Variants in TYW5 observed in about 807,000 individuals in gnomAD.
TYW5 encodes the protein tRNA wybutosine-synthesizing protein 5.
TYW5 carries 36 observed loss-of-function variants against 44.4 expected under a neutral mutation model. The ratio of observed to expected loss-of-function variants is 0.81; its 90% confidence interval spans 0.62 to 1.07. The LOEUF (loss-of-function observed/expected upper bound fraction) is 1.07. Among genes scored for constraint, TYW5 ranks in the 50% least tolerant of loss-of-function variants. The pLI is 0.00. For synonymous variants in TYW5, 121 were observed against 128.1 expected, an observed-to-expected ratio of 0.94 and a Z score of 0.37; for missense variants, 354 against 365.7, an observed-to-expected ratio of 0.97 and a Z score of 0.26.
chr2:199,936,465 T>A lies in TYW5; in HGVS notation c.514A>T (p.Thr172Ser). The A allele has an allele frequency of 6.2e-7, 1 of 1,613,306 alleles. No individual in the cohort carries two copies. The highest frequency in any genetic ancestry group is 8.5e-7 in the Non-Finnish European group (1 of 1,179,672). ...DVMDNLLIQV[T>S]GKKRVVLFSP... ...AAGAGTACAACACGCTTTTTTCCTGTCACTTGTATTAACAAATTATCCATT... is the reference window on the plus strand; with the variant it reads ...AAGAGTACAACACGCTTTTTTCCTGACACTTGTATTAACAAATTATCCATT... Residue 172 changes from threonine to serine, a missense_variant, in exon 6 of 8, where the codon ACA (threonine) becomes TCA (serine). Physicochemically the swap from Thr to Ser is moderately conservative, Grantham distance 58 (BLOSUM62 1). Transcript: ENST00000354611.
intron 7 of TYW5, 78 bp from the exon 8 acceptor site, chr2:199,933,401 G>T: frequency 8.3e-7 from 1 of 1,211,954 alleles, no homozygotes; most frequent in South Asian, 1.5e-5. Context: ...GAAATATCAC[G>T]AATTGCATAT....
At chr2:199,940,177 T>C in intron 3 of TYW5, 44 bp from the exon 4 acceptor site, 1 of 1,571,192 alleles carries the variant, frequency 6.4e-7, no homozygotes, top group South Asian at 1.1e-5. Context: ...TATTTTACTT[T>C]TTCAAATGTA....
In TYW5 at chr2:199,931,474, AAGG is replaced by A. The variant is rs1352987645; in HGVS notation, c.*1590_*1592del. 5.9e-5 allele frequency: 9 copies of A among 152,204 alleles called. No individual in the cohort carries two copies. The highest frequency in any genetic ancestry group is 7.4e-5 in the Non-Finnish European group (5 of 68,018). The allele number at this position is 152,204 out of a possible 1,614,324, so 9.4% of individuals were successfully genotyped here. ...ACTGACCATAAATAATGTGTAAACTAAGGAGAGTTTTGTCTTTTTCCTTACTGA... is the reference window on the plus strand; with the variant it reads ...ACTGACCATAAATAATGTGTAAACTAAGAGTTTTGTCTTTTTCCTTACTGA... On this transcript the variant is annotated 3_prime_UTR_variant, in exon 8 of 8. Coordinates refer to ENST00000354611, the MANE Select transcript of TYW5 (RefSeq NM_001039693.3).
intron 2 of TYW5, 176 bp downstream of exon 2, chr2:199,948,142 C>T: frequency 3.2e-6 from 2 of 620,430 alleles, no homozygotes. Context: ...ATTATGTAAA[C>T]TCAGAACTCT....
At chr2:199,933,497 A>G (rs1343727137) in intron 7 of TYW5, among the ~76,000 whole-genome samples, 174 bp from the exon 8 acceptor site, 2 of 152,228 alleles carry the variant, frequency 1.3e-5, no homozygotes, top group Non-Finnish European at 2.9e-5. Context: ...ACTTTTATGA[A>G]TTGCCAACAA....
In TYW5 at chr2:199,930,422, G is replaced by A. The variant is rs2077367043; in HGVS notation, c.*2645C>T. 1 of 152,148 alleles carries A rather than the reference G, an allele frequency of 6.6e-6. No individual in the cohort carries two copies. Among genetic ancestry groups the A allele is most frequent in the South Asian group, 2.1e-4 (1 of 4,830 alleles). The allele number at this position is 152,148 out of a possible 1,614,324, so 9.4% of individuals were successfully genotyped here. A position where few individuals can be genotyped will look rare whatever the true frequency, so the allele number is the denominator to read the frequency against. ...AAGATGTTCACACACCACATACCTT[G>A]TTTTACACAAATGGCAGTACAGTTT... is the stretch of plus-strand genomic sequence containing the variant. On this transcript the variant is annotated 3_prime_UTR_variant, in exon 8 of 8. Transcript: ENST00000354611.
chr2:199,944,166 T>C, intron 2 of TYW5: 1 of 183,756 alleles, frequency 5.4e-6, no homozygotes, highest in Non-Finnish European at 1.1e-5. Context: ...ACACAGACTT[T>C]CAGGTTCTGA....
At chr2:199,940,817 CTT>C (rs1188729153) in intron 3 of TYW5, among the ~76,000 whole-genome samples, 2 of 152,034 alleles carry the variant, frequency 1.3e-5, no homozygotes, top group Admixed American at 6.5e-5. Context: ...TATTTAGACT[CTT>C]ATTTTAATAG....
chr2:199,943,656 G>A (rs1351665851), intron 3 of TYW5, 109 bp downstream of exon 3: 2 of 830,480 alleles, frequency 2.4e-6, no homozygotes, highest in Non-Finnish European at 1.9e-6. Flanking sequence ...TCTTACGAAT[G>A]TCTATCAGAG....
chr2:199,942,933 T>A (rs554099016), intron 3 of TYW5: 28 of 151,876 alleles, frequency 1.8e-4, no homozygotes, highest in African/African-American at 5.8e-4. Context: ...TCTAGCTCAC[T>A]GCAACCTCCG....
intron 1 of TYW5, among the ~76,000 whole-genome samples, chr2:199,950,928 T>C (rs1011372082): frequency 2.8e-4 from 43 of 152,228 alleles, no homozygotes; most frequent in African/African-American, 1.0e-3. Flanking sequence ...TGTTCAGTGG[T>C]AGGAGGAGCT....
chr2:199,941,079 A>G (rs1327885374), intron 3 of TYW5, among the ~76,000 whole-genome samples: 1 of 152,226 alleles, frequency 6.6e-6, no homozygotes, highest in African/African-American at 2.4e-5. Flanking sequence ...AATTGTTTTG[A>G]GACAGGGACT....
intron 1 of TYW5, 99 bp from the exon 2 acceptor site, chr2:199,948,571 C>G (rs1324970254): frequency 2.5e-6 from 3 of 1,190,292 alleles, no homozygotes; most frequent in South Asian, 1.4e-5. Flanking sequence ...TAAGATCTGA[C>G]TCTTGCTCCC....
intron 1 of TYW5, 126 bp downstream of exon 1, chr2:199,955,267 A>T (rs1574816155): frequency 1.9e-6 from 2 of 1,080,964 alleles, no homozygotes; most frequent in East Asian, 2.6e-5. Flanking sequence ...CCAACCAGTG[A>T]TCTGCTGCCG....
intron 1 of TYW5, among the ~76,000 whole-genome samples, chr2:199,952,188 G>A (rs1404734110): frequency 3.3e-5 from 5 of 152,010 alleles, no homozygotes; most frequent in African/African-American, 9.7e-5. Flanking sequence ...TGCAAGTACA[G>A]TAACACTACG....
chr2:199,954,205 G>A (rs67647314), intron 1 of TYW5, among the ~76,000 whole-genome samples: 17,320 of 151,460 alleles, frequency 0.11, 1,452 homozygotes, highest in East Asian at 0.25. Context: ...GGCTCAAGCA[G>A]ATCCTCCGAC....
chr2:199,950,939 C>T (rs901663770), intron 1 of TYW5, among the ~76,000 whole-genome samples: 1 of 152,196 alleles, frequency 6.6e-6, no homozygotes, highest in Non-Finnish European at 1.5e-5. Flanking sequence ...AGGAGGAGCT[C>T]CTTACAATTT....
At position 199,931,204 on chromosome 2, in the gene TYW5, C is replaced by A. The variant is rs938308572; in HGVS notation, c.*1863G>T. On this transcript the variant is annotated 3_prime_UTR_variant, in exon 8 of 8. Coordinates refer to ENST00000354611, the MANE Select transcript of TYW5 (RefSeq NM_001039693.3). ...GCACCAGTTATCAACTATGTGCCTG[C>A]CCTTGAACTCTCTGCATTTTTGTAG... is the stretch of plus-strand genomic sequence containing the variant. 1 of 152,040 alleles carries A rather than the reference C, an allele frequency of 6.6e-6. No homozygotes were observed. The highest frequency in any genetic ancestry group is 2.4e-5 in the African/African-American group (1 of 41,398). The allele number at this position is 152,040 out of a possible 1,614,324, so 9.4% of individuals were successfully genotyped here.
At chr2:199,940,235 G>A in intron 3 of TYW5, 102 bp from the exon 4 acceptor site, 14 of 1,041,382 alleles carry the variant, frequency 1.3e-5, no homozygotes, top group Admixed American at 2.4e-5. Flanking sequence ...ATAATTAAAA[G>A]TAAAAAAAAG....
Sources: gnomAD v4.1 joint callset for allele counts (sites outside exome capture counted in the v4.1 genomes callset) on GRCh38, gnomAD v4.1.1 for gene constraint, MANE v1.5 for transcripts, NCBI Gene and HGNC (gene_info 2026-07-23, HGNC 2026-07-21) for gene names.